TMEM181: variants seen among roughly 807,000 people sequenced by gnomAD.
TMEM181 encodes the protein transmembrane protein 181.
A neutral mutation model predicts 71.9 loss-of-function variants in TMEM181; 39 were observed. The ratio of observed to expected loss-of-function variants is 0.54; its 90% CI spans 0.42 to 0.71. The LOEUF (loss-of-function observed/expected upper bound fraction) is 0.71. Ranked by LOEUF, TMEM181 falls within the 30% of genes least tolerant of loss-of-function variation. The pLI, the probability that TMEM181 is intolerant of heterozygous loss-of-function variation, is 0.00. For synonymous variants in TMEM181, 245 were observed against 228.8 expected (o/e 1.07, Z -0.64); for missense variants, 595 against 583.0 (o/e 1.02, Z -0.21).
chr6:158,569,179 C>T (rs992394132), intron 1 of TMEM181, among the ~76,000 whole-genome samples: 2 of 152,144 alleles, frequency 1.3e-5, no homozygotes, highest in African/African-American at 2.4e-5. Flanking sequence ...CGGAAAGAGT[C>T]GCAGAGGGGA....
rs376062690 is a variant in TMEM181, at chr6:158,585,371, G to A, written c.327G>A (p.Thr109=). The part of the protein sequence containing the change: ...KVDGVAQDGT[T]MYIHNKVHNR... ...ATGGTGTAGCTCAAGATGGAACCAC[G>A]ATGTACATTCATAACAAAGTTCACA... Residue 109 remains threonine, a synonymous_variant, in exon 5 of 17, where the codon ACG becomes ACA. Coordinates refer to ENST00000684151, the MANE Select transcript of TMEM181 (RefSeq NM_001376852.1). 2.2e-4 allele frequency: 359 copies of A among 1,612,196 alleles called. No homozygotes were observed. Among genetic ancestry groups the A allele is most frequent in the Admixed American group, 5.6e-4 (33 of 59,364 alleles).
At chr6:158,556,037 C>T (rs958907979), upstream of TMEM181, among the ~76,000 whole-genome samples, 1 of 152,180 alleles carries the variant, frequency 6.6e-6, no homozygotes, top group Non-Finnish European at 1.5e-5. Context: ...AGAAAAGACA[C>T]GTCTCAGAGA....
intron 11 of TMEM181, among the ~76,000 whole-genome samples, chr6:158,624,600 T>C (rs930252245): frequency 2.6e-5 from 4 of 152,256 alleles, no homozygotes; most frequent in Non-Finnish European, 5.9e-5. Context: ...TGTGCACTTT[T>C]AGACCTTAGG....
chr6:158,600,652 G>C (rs1784619776), intron 6 of TMEM181, among the ~76,000 whole-genome samples: 2 of 151,532 alleles, frequency 1.3e-5, no homozygotes, highest in Non-Finnish European at 2.9e-5. Flanking sequence ...TGTATTTTTA[G>C]TAGAGATGGG....
intron 11 of TMEM181, 24 bp downstream of exon 11, chr6:158,623,631 C>T: frequency 6.6e-7 from 1 of 1,521,054 alleles, no homozygotes. Flanking sequence ...ATGAGGCCTG[C>T]AATTTTTCTT....
At chr6:158,560,519 C>T (rs1483094536) in intron 1 of TMEM181, among the ~76,000 whole-genome samples, 3 of 152,194 alleles carry the variant, frequency 2.0e-5, no homozygotes, top group Non-Finnish European at 4.4e-5. Context: ...CCACAGCGCT[C>T]ACCGGGGGGC....
chr6:158,536,726 C>G (rs761693754), exon 1 of TMEM181: 1 of 1,566,548 alleles, frequency 6.4e-7, no homozygotes, highest in East Asian at 2.4e-5. Flanking sequence ...ACCCGGGAGG[C>G]TGCGCGGCAT....
intron 1 of TMEM181, among the ~76,000 whole-genome samples, chr6:158,571,210 C>T (rs1341259304): frequency 6.6e-6 from 1 of 152,194 alleles, no homozygotes; most frequent in Non-Finnish European, 1.5e-5. Context: ...CATTCTCCCG[C>T]CTCAGCCTCC....
intron 2 of TMEM181, among the ~76,000 whole-genome samples, chr6:158,574,938 C>G (rs539970981): frequency 7.2e-5 from 11 of 152,300 alleles, no homozygotes; most frequent in African/African-American, 2.6e-4. Context: ...AGTAAATTTC[C>G]AGCTGAGTCC....
chr6:158,623,468 A>C (rs1277461295), intron 10 of TMEM181, 82 bp from the exon 11 acceptor site: 17 of 1,022,658 alleles, frequency 1.7e-5, no homozygotes, highest in Middle Eastern at 3.1e-4. Flanking sequence ...AGTAAAAAAA[A>C]CAAAAAGTCA....
chr6:158,573,628 C>A, intron 2 of TMEM181, 105 bp downstream of exon 2: 3 of 944,142 alleles, frequency 3.2e-6, no homozygotes, highest in Non-Finnish European at 3.3e-6. Context: ...TGCTAAGGGC[C>A]CCAGCGTGGA....
intron 1 of TMEM181, among the ~76,000 whole-genome samples, chr6:158,540,908 AC>A (rs1781316935): frequency 1.3e-5 from 2 of 152,290 alleles, no homozygotes; most frequent in Admixed American, 1.3e-4. Context: ...ACAGGCATGC[AC>A]CACCATACCC....
At chr6:158,564,458 A>G (rs1167672427) in intron 1 of TMEM181, among the ~76,000 whole-genome samples, 2 of 152,234 alleles carry the variant, frequency 1.3e-5, no homozygotes, top group Non-Finnish European at 2.9e-5. Flanking sequence ...AGGAAATGCC[A>G]GCTCCCACCT....
intron 1 of TMEM181, among the ~76,000 whole-genome samples, chr6:158,567,196 A>T (rs1372620464): frequency 6.6e-6 from 1 of 152,202 alleles, no homozygotes; most frequent in African/African-American, 2.4e-5. Context: ...GGCCCCAGCA[A>T]GAAGAAGAGG....
At position 158,563,705 on chromosome 6, in the gene TMEM181, G is replaced by A. The variant is rs149254312; in HGVS notation, c.8+3473G>A. Among the ~76,000 whole-genome samples, 5 of 152,328 alleles carry A rather than the reference G, an allele frequency of 3.3e-5. No individual in the cohort carries two copies. In the East Asian group the frequency reaches 9.6e-4, roughly 29 times the overall value. On this transcript the variant is annotated intron_variant, in intron 1 of 16. Coordinates refer to ENST00000684151, the MANE Select transcript of TMEM181 (RefSeq NM_001376852.1). ...GTGTGAGTCACTGGGCTTGCAATCT[G>A]GAAAGGATACACATGAACTCACCAG...
Position 158,560,098 on chromosome 6 carries a change from C to G in TMEM181, c.-127C>G. On this transcript the variant is annotated 5_prime_UTR_variant, in exon 1 of 17. Transcript: ENST00000684151. ...TCGGCGTCGCGCTCTGATGAGTTTT[C>G]CGCGGCCGGCCGCTGCTCAGCCGCT... 1 of 985,006 alleles carries G rather than the reference C, an allele frequency of 1.0e-6. No individual in the cohort carries two copies. Among genetic ancestry groups the G allele is most frequent in the Non-Finnish European group, 1.2e-6 (1 of 829,788 alleles). The allele number at this position is 985,006 out of a possible 1,614,324, so 61.0% of individuals were successfully genotyped here.
chr6:158,569,106 G>C (rs1417331047), intron 1 of TMEM181, among the ~76,000 whole-genome samples: 1 of 152,234 alleles, frequency 6.6e-6, no homozygotes, highest in Admixed American at 6.5e-5. Flanking sequence ...CTCCAGAGCT[G>C]CTGGGACTAC....
At chr6:158,570,944 C>T (rs1328883844) in intron 1 of TMEM181, among the ~76,000 whole-genome samples, 4 of 150,784 alleles carry the variant, frequency 2.7e-5, no homozygotes, top group African/African-American at 7.3e-5. Context: ...GATGGAGTCT[C>T]GCTCTGTCAC....
intron 15 of TMEM181, among the ~76,000 whole-genome samples, chr6:158,630,528 A>T (rs1786600386): frequency 6.6e-6 from 1 of 152,152 alleles, no homozygotes; most frequent in Non-Finnish European, 1.5e-5. Context: ...TTTGCATTAG[A>T]TGATTTTGCC....
Sources: gnomAD v4.1 joint callset for allele counts (sites outside exome capture counted in the v4.1 genomes callset) on GRCh38, gnomAD v4.1.1 for gene constraint, MANE v1.5 for transcripts, NCBI Gene and HGNC (gene_info 2026-07-23, HGNC 2026-07-21) for gene names.